The following PUS10 variants were observed in gnomAD, a reference collection of about 807,000 sequenced individuals.
The protein encoded by PUS10 is tRNA pseudouridine synthase Pus10.
A neutral mutation model predicts 75.0 loss-of-function variants in PUS10; 59 were observed. The ratio of observed to expected loss-of-function variants is 0.79; its 90% CI spans 0.64 to 0.98. The LOEUF is 0.98. PUS10 is among the 50% of genes least tolerant of loss of function. The pLI is 0.00. For missense variants in PUS10, 650 were observed against 614.4 expected, an observed-to-expected ratio of 1.06 and a Z score of -0.61; for synonymous variants, 219 against 211.6, an observed-to-expected ratio of 1.03 and a Z score of -0.30.
intron 4 of PUS10, among the ~76,000 whole-genome samples, chr2:60,976,324 C>T (rs1027030737): frequency 2.0e-5 from 3 of 152,226 alleles, no homozygotes; most frequent in Non-Finnish European, 4.4e-5. Flanking sequence ...AACTGCTTTG[C>T]TATAGCTAGT....
At chr2:60,989,395 T>A (rs1677934468) in intron 4 of PUS10, among the ~76,000 whole-genome samples, 5 of 152,082 alleles carry the variant, frequency 3.3e-5, no homozygotes. Context: ...GTCTTTTGAG[T>A]CACATTTAAG....
intron 4 of PUS10, among the ~76,000 whole-genome samples, chr2:60,994,159 A>T (rs1487547679): frequency 3.3e-5 from 5 of 151,636 alleles, no homozygotes; most frequent in African/African-American, 1.2e-4. Flanking sequence ...GCTTGGAGGG[A>T]AGAAAGTAGT....
At chr2:60,966,222 A>G (rs1676330272) in intron 6 of PUS10, 1 of 152,206 alleles carries the variant, frequency 6.6e-6, no homozygotes. Flanking sequence ...TAACAAAAAA[A>G]AAATGCTATA....
chr2:60,990,413 G>A (rs916581019), intron 4 of PUS10, among the ~76,000 whole-genome samples: 12 of 152,176 alleles, frequency 7.9e-5, no homozygotes, highest in Non-Finnish European at 1.3e-4. Context: ...CAGGTGTTTT[G>A]AGCAGCTTTT....
chr2:60,969,374 T>C (rs1676524801), intron 5 of PUS10, among the ~76,000 whole-genome samples: 1 of 152,228 alleles, frequency 6.6e-6, no homozygotes, highest in African/African-American at 2.4e-5. Flanking sequence ...AGTTTCCTAA[T>C]ACAATTTGGG....
At chr2:61,005,971 C>T (rs1350070501) in intron 4 of PUS10, among the ~76,000 whole-genome samples, 1 of 152,134 alleles carries the variant, frequency 6.6e-6, no homozygotes. Context: ...AAGTTTCTCA[C>T]TATGCTTCAT....
Position 60,942,224 on chromosome 2 carries a change from CAT to C in PUS10, c.*169_*170del, listed in dbSNP as rs1674661317. 4.7e-6 allele frequency: 3 copies of C among 636,716 alleles called. No individual in the cohort carries two copies. Among genetic ancestry groups the C allele is most frequent in the Non-Finnish European group, 8.6e-6 (3 of 349,356 alleles). The allele number at this position is 636,716 out of a possible 1,614,324, so 39.4% of individuals were successfully genotyped here. ...GGAACAATTTAACACAAAATATACA[CAT>C]ATATAGATCCTGAGATGTTACAACA... On this transcript the variant is annotated 3_prime_UTR_variant, in exon 18 of 18. Coordinates refer to ENST00000316752, the MANE Select transcript of PUS10 (RefSeq NM_144709.4).
intron 16 of PUS10, among the ~76,000 whole-genome samples, chr2:60,946,492 G>A (rs1466577645): frequency 6.6e-6 from 1 of 152,128 alleles, no homozygotes; most frequent in Non-Finnish European, 1.5e-5. Flanking sequence ...TGGCCCACCA[G>A]AACTAAAGGC....
chr2:61,014,328 G>A (rs1055619308), intron 1 of PUS10, among the ~76,000 whole-genome samples: 2 of 152,048 alleles, frequency 1.3e-5, no homozygotes, highest in African/African-American at 2.4e-5. Flanking sequence ...GCAGTGAGCC[G>A]AGATCATGCC....
At chr2:61,013,204 G>C (rs1679742815) in intron 1 of PUS10, among the ~76,000 whole-genome samples, 1 of 149,792 alleles carries the variant, frequency 6.7e-6, no homozygotes, top group South Asian at 2.1e-4. Flanking sequence ...AGTGAATCAA[G>C]ATCATGCCAC....
intron 11 of PUS10, 69 bp downstream of exon 11, chr2:60,960,323 G>GACA (rs1675943024): frequency 8.1e-6 from 10 of 1,240,164 alleles, no homozygotes; most frequent in Non-Finnish European, 8.5e-6. Flanking sequence ...TAGCCTAGTT[G>GACA]ACAAAGCAAG....
chr2:60,969,115 C>T (rs1050154648), intron 5 of PUS10, among the ~76,000 whole-genome samples: 7 of 152,118 alleles, frequency 4.6e-5, no homozygotes, highest in African/African-American at 4.8e-5. Flanking sequence ...GTTACAAAAG[C>T]GAATCCCAAA....
intron 4 of PUS10, among the ~76,000 whole-genome samples, chr2:60,974,309 G>A (rs1223878532): frequency 6.9e-6 from 1 of 144,702 alleles, no homozygotes; most frequent in Non-Finnish European, 1.5e-5. Flanking sequence ...TCCGCCTCCC[G>A]AGTTCAAGTG....
chr2:60,985,507 C>G (rs1237577815), intron 4 of PUS10, among the ~76,000 whole-genome samples: 1 of 151,854 alleles, frequency 6.6e-6, no homozygotes, highest in African/African-American at 2.4e-5. Flanking sequence ...ATTTTTTTCT[C>G]TCTTTTTTTT....
At chr2:60,959,165 A>G (rs545870930) in intron 11 of PUS10, among the ~76,000 whole-genome samples, 21 of 152,188 alleles carry the variant, frequency 1.4e-4, no homozygotes, top group South Asian at 2.1e-4. Flanking sequence ...TACTTTCTCT[A>G]GGCCTGAACT....
chr2:60,966,035 G>C (rs1169003369), intron 6 of PUS10: 1 of 151,740 alleles, frequency 6.6e-6, no homozygotes, highest in South Asian at 2.1e-4. Flanking sequence ...TCAATCCCAC[G>C]CCACTGAAGC....
intron 1 of PUS10, chr2:61,017,755 A>C: frequency 6.5e-7 from 1 of 1,548,934 alleles, no homozygotes; most frequent in Non-Finnish European, 8.7e-7. Context: ...GAGGAGGCGG[A>C]GGAGATGGCG....
intron 4 of PUS10, among the ~76,000 whole-genome samples, chr2:60,980,776 ACTATT>A (rs1677336341): frequency 6.6e-6 from 1 of 152,260 alleles, no homozygotes; most frequent in Admixed American, 6.5e-5. Context: ...CGTACAGTAG[ACTATT>A]CTATTCAAAG....
chr2:60,943,747 T>C (rs1674761824), intron 17 of PUS10, among the ~76,000 whole-genome samples: 1 of 148,638 alleles, frequency 6.7e-6, no homozygotes, highest in Non-Finnish European at 1.5e-5. Context: ...AAATAAAACA[T>C]GACTGATCAC....
Sources: allele counts gnomAD v4.1 joint callset (sites outside exome capture counted in the v4.1 genomes callset), GRCh38; gene constraint gnomAD v4.1.1; transcripts MANE v1.5; gene names NCBI Gene and HGNC (gene_info 2026-07-23, HGNC 2026-07-21).